Variants in ERO1B observed in about 807,000 individuals in gnomAD.
ERO1B encodes the protein ERO1-like protein beta.
A neutral mutation model predicts 75.3 loss-of-function variants in ERO1B; 49 were observed. The ratio of observed to expected loss-of-function variants is 0.65; its 90% CI spans 0.52 to 0.83. ERO1B has a LOEUF of 0.83. ERO1B is among the 40% of genes least tolerant of loss of function. ERO1B has a pLI of 0.00. For missense variants in ERO1B, 512 were observed against 560.1 expected, an observed-to-expected ratio of 0.91 and a Z score of 0.87; for synonymous variants, 191 against 192.9, an observed-to-expected ratio of 0.99 and a Z score of 0.08.
intron 10 of ERO1B, among the ~76,000 whole-genome samples, chr1:236,227,401 C>T (rs1055720715): frequency 1.4e-4 from 22 of 152,132 alleles, no homozygotes; most frequent in African/African-American, 5.3e-4. Flanking sequence ...GTCAAGATAT[C>T]CCGTCATCCT....
At chr1:236,221,789 A>C (rs1379877945) in intron 14 of ERO1B, 135 bp downstream of exon 14, 5 of 663,718 alleles carry the variant, frequency 7.5e-6, no homozygotes, top group Non-Finnish European at 1.1e-5. Context: ...TTTCATCAAC[A>C]GAAAAAACAC....
rs1665040645 is a variant in ERO1B at position 236,251,990 on chromosome 1, C to T, written c.348+60G>A. 2.5e-6 allele frequency: 3 copies of T among 1,214,698 alleles called. No homozygotes were observed. The Admixed American group carries it at 6.5e-5, about 26-fold the overall frequency. The allele number at this position is 1,214,698 out of a possible 1,614,324, so 75.2% of individuals were successfully genotyped here. ...GTTCTTTACTACAGCCACTGTCAGT[C>T]AGTAAATGGTAAGTTTCACAATGTA... On this transcript the variant is annotated intron_variant, in intron 4 of 15. Coordinates refer to ENST00000354619, the MANE Select transcript of ERO1B (RefSeq NM_019891.4).
chr1:236,235,807 G>A lies in ERO1B; in HGVS notation c.655C>T (p.Pro219Ser). 6.2e-7 allele frequency: 1 copy of A among 1,612,050 alleles called. No individual in the cohort carries two copies. Among genetic ancestry groups the A allele is most frequent in the Non-Finnish European group, 8.5e-7 (1 of 1,179,154 alleles). ...AACCTACCTCGGCTAGGCGCCAGAG[G>A]ATTTAAAGGACGATAAACAGATCGA... ...KPRSVYRPLN[P>S]LAPSRGEDDG... Residue 219 changes from proline to serine, a missense_variant, in exon 8 of 16, where the codon CCT becomes TCT. Pro to Ser is a moderately conservative substitution (Grantham distance 74). Transcript: ENST00000354619.
intron 12 of ERO1B, among the ~76,000 whole-genome samples, chr1:236,225,977 T>G (rs1664267775): frequency 6.6e-6 from 1 of 152,156 alleles, no homozygotes; most frequent in Non-Finnish European, 1.5e-5. Flanking sequence ...AATACAAAAT[T>G]GGTAGAAAGA....
At chr1:236,253,998 T>C (rs1308340452) in intron 2 of ERO1B, among the ~76,000 whole-genome samples, 3 of 152,196 alleles carry the variant, frequency 2.0e-5, no homozygotes, top group Non-Finnish European at 4.4e-5. Context: ...TGGAGGCCTC[T>C]GAGGCAGTAA....
intron 5 of ERO1B, among the ~76,000 whole-genome samples, chr1:236,248,236 G>A (rs916777187): frequency 1.3e-5 from 2 of 152,166 alleles, no homozygotes; most frequent in East Asian, 1.9e-4. Context: ...TAGTAATTAC[G>A]AAGTATAAAA....
Position 236,235,800 on chromosome 1 carries a change from G to T in ERO1B, c.662C>A (p.Ala221Glu). Residue 221 changes from alanine to glutamate, a missense_variant, in exon 8 of 16, where the codon GCG becomes GAG. Ala to Glu is a moderately radical substitution (Grantham distance 107). Coordinates refer to ENST00000354619, the MANE Select transcript of ERO1B (RefSeq NM_019891.4). ...TATGAAAAACCTACCTCGGCTAGGC[G>T]CCAGAGGATTTAAAGGACGATAAAC... ...RSVYRPLNPL[A>E]PSRGEDDGES... is the part of the protein sequence containing the mutation. The T allele has an allele frequency of 5.0e-6, 8 of 1,611,894 alleles. No homozygotes were observed. Among genetic ancestry groups the T allele is most frequent in the Non-Finnish European group, 6.8e-6 (8 of 1,179,136 alleles).
rs370768768 is a variant in ERO1B at position 236,268,268 on chromosome 1, C to T, written c.222+1607G>A. On this transcript the variant is annotated intron_variant, in intron 2 of 15. Transcript: ENST00000354619. Reference sequence around the variant, plus strand: ...CAGCCTAGCCAACATGGTGAAACCTCGTCTCTACTAAAAATACAAAAATTA... The same window carrying T: ...CAGCCTAGCCAACATGGTGAAACCTTGTCTCTACTAAAAATACAAAAATTA... Among the ~76,000 whole-genome samples the T allele has an allele frequency of 5.3e-5, 8 of 151,986 alleles. No homozygotes were observed. In the East Asian group the frequency reaches 9.6e-4, roughly 18 times the overall value.
intron 6 of ERO1B, among the ~76,000 whole-genome samples, chr1:236,242,771 G>A (rs767131099): frequency 6.6e-6 from 1 of 152,126 alleles, no homozygotes; most frequent in African/African-American, 2.4e-5. Flanking sequence ...TGCCTACTCA[G>A]CACAATTCTT....
chr1:236,258,692 G>A (rs1196651695), intron 2 of ERO1B, among the ~76,000 whole-genome samples: 1 of 152,114 alleles, frequency 6.6e-6, no homozygotes, highest in East Asian at 1.9e-4. Context: ...TTCGAGACCA[G>A]CCTGGCCAAC....
chr1:236,250,596 TATATA>T (rs1194328839), intron 4 of ERO1B, among the ~76,000 whole-genome samples: 4 of 58,552 alleles, frequency 6.8e-5, no homozygotes, highest in Admixed American at 3.7e-4. Context: ...TATATATATA[TATATA>T]TATATATATA....
chr1:236,248,073 G>A (rs1664928824), intron 5 of ERO1B, among the ~76,000 whole-genome samples: 1 of 151,980 alleles, frequency 6.6e-6, no homozygotes, highest in South Asian at 2.1e-4. Context: ...TATTTCCTCT[G>A]ACAAGGATCA....
intron 15 of ERO1B, chr1:236,220,594 C>T (rs1391672114): frequency 2.0e-5 from 6 of 294,288 alleles, no homozygotes; most frequent in Non-Finnish European, 3.7e-5. Context: ...AAGAATATCT[C>T]CCTTACAAAA....
chr1:236,261,265 T>G (rs1342459045), intron 2 of ERO1B, among the ~76,000 whole-genome samples: 13 of 152,148 alleles, frequency 8.5e-5, no homozygotes, highest in Non-Finnish European at 5.9e-5. Flanking sequence ...ACGCCCACTC[T>G]TGCCACTTCT....
At position 236,273,393 on chromosome 1, in the gene ERO1B, A is replaced by G. The variant is rs777599570; in HGVS notation, c.103-3399T>C. Reference sequence around the variant, plus strand: ...AAATTTATATTGTTTTTAAGTCATTATATTTGTGGCAATTTGTCACAACAG... The same window carrying G: ...AAATTTATATTGTTTTTAAGTCATTGTATTTGTGGCAATTTGTCACAACAG... On this transcript the variant is annotated intron_variant, in intron 1 of 15. Transcript: ENST00000354619. 7.2e-5 allele frequency among the ~76,000 whole-genome samples: 11 copies of G among 152,208 alleles called. No homozygotes were observed. The Middle Eastern group carries it at 9.5e-3, about 131-fold the overall frequency.
intron 14 of ERO1B, among the ~76,000 whole-genome samples, chr1:236,221,336 A>G (rs958173234): frequency 6.7e-6 from 1 of 150,152 alleles, no homozygotes; most frequent in East Asian, 2.0e-4. Flanking sequence ...CACACTTAAT[A>G]ATTTCTCAAT....
chr1:236,245,636 A>T (rs1361772486), intron 5 of ERO1B, among the ~76,000 whole-genome samples: 1 of 118,476 alleles, frequency 8.4e-6, no homozygotes, highest in Non-Finnish European at 1.7e-5. Context: ...CCCAGGCTGG[A>T]GTGTAGTGGC....
chr1:236,221,574 A>G (rs1287674551), intron 14 of ERO1B, among the ~76,000 whole-genome samples: 3 of 152,190 alleles, frequency 2.0e-5, no homozygotes, highest in Admixed American at 6.5e-5. Context: ...CCAAGACTTC[A>G]TATTTCAATC....
At chr1:236,225,044 C>G in intron 13 of ERO1B, 26 bp downstream of exon 13, 1 of 1,608,990 alleles carries the variant, frequency 6.2e-7, no homozygotes, top group Non-Finnish European at 8.5e-7. Flanking sequence ...GCTCCCAACC[C>G]CGTGTCCCAA....
Sources: allele counts gnomAD v4.1 joint callset (sites outside exome capture counted in the v4.1 genomes callset), GRCh38; gene constraint gnomAD v4.1.1; transcripts MANE v1.5; gene names NCBI Gene and HGNC (gene_info 2026-07-23, HGNC 2026-07-21).